CERS6: variants seen among roughly 807,000 people sequenced by gnomAD.
CERS6 encodes the protein ceramide synthase 6.
Under a neutral mutation model 56.8 loss-of-function variants are expected in CERS6, and 26 were observed. The ratio of observed to expected loss-of-function variants is 0.46; its 90% confidence interval spans 0.34 to 0.63. The LOEUF is 0.63. Among genes scored for constraint, CERS6 ranks in the 30% least tolerant of loss-of-function variants. CERS6 has a pLI of 0.01. For missense variants in CERS6, 415 were observed against 467.5 expected, an observed-to-expected ratio of 0.89 and a Z score of 1.04; for synonymous variants, 164 against 173.3, an observed-to-expected ratio of 0.95 and a Z score of 0.42.
chr2:168,743,995 C>CTTTTTTTTTTTTTTTTTT (rs58256507), intron 8 of CERS6, among the ~76,000 whole-genome samples: 22 of 63,394 alleles, frequency 3.5e-4, no homozygotes, highest in African/African-American at 1.2e-3. Context: ...TCTTTTTTTT[C>CTTTTTTTTTTTTTTTTTT]TTTTTTTTTT....
At chr2:168,541,937 A>G (rs1695380280) in intron 1 of CERS6, among the ~76,000 whole-genome samples, 1 of 151,940 alleles carries the variant, frequency 6.6e-6, no homozygotes, top group Non-Finnish European at 1.5e-5. Context: ...TAGAAAGAGG[A>G]TGTGTTTTTC....
At chr2:168,468,152 G>A (rs925964716) in intron 1 of CERS6, among the ~76,000 whole-genome samples, 4 of 152,126 alleles carry the variant, frequency 2.6e-5, no homozygotes, top group Non-Finnish European at 5.9e-5. Flanking sequence ...GTGGGGGGCC[G>A]CTGTGTGCCA....
chr2:168,564,483 A>G (rs1180273579), intron 3 of CERS6, among the ~76,000 whole-genome samples: 3 of 152,156 alleles, frequency 2.0e-5, no homozygotes, highest in Admixed American at 1.3e-4. Context: ...TACTATCCCC[A>G]TGTTGTGACA....
At chr2:168,722,192 G>T (rs1006602319) in intron 8 of CERS6, among the ~76,000 whole-genome samples, 9 of 152,024 alleles carry the variant, frequency 5.9e-5, no homozygotes, top group African/African-American at 2.2e-4. Flanking sequence ...ATATATAAAG[G>T]ACTTATCCGA....
At chr2:168,620,615 A>T (rs1248850897) in intron 3 of CERS6, among the ~76,000 whole-genome samples, 1 of 152,090 alleles carries the variant, frequency 6.6e-6, no homozygotes. Flanking sequence ...TTGTTAATAG[A>T]TATGGATTTA....
At chr2:168,661,213 GAAC>G (rs1421441827) in intron 4 of CERS6, among the ~76,000 whole-genome samples, 2 of 152,130 alleles carry the variant, frequency 1.3e-5, no homozygotes, top group Non-Finnish European at 2.9e-5. Context: ...TCCTAAGAAT[GAAC>G]ATGTTAGGAA....
At chr2:168,752,606 G>A (rs984302837) in intron 8 of CERS6, among the ~76,000 whole-genome samples, 10 of 152,162 alleles carry the variant, frequency 6.6e-5, no homozygotes, top group African/African-American at 2.4e-4. Flanking sequence ...TGCGAACAAG[G>A]AGCGTGGCAC....
chr2:168,730,981 C>G (rs1285169691), intron 8 of CERS6, among the ~76,000 whole-genome samples: 2 of 152,142 alleles, frequency 1.3e-5, no homozygotes, highest in Non-Finnish European at 2.9e-5. Flanking sequence ...AGAAATGATT[C>G]TGCATACATT....
chr2:168,498,583 G>A (rs190835932), intron 1 of CERS6, among the ~76,000 whole-genome samples: 1 of 152,332 alleles, frequency 6.6e-6, no homozygotes, highest in East Asian at 1.9e-4. Context: ...TATGCAACAT[G>A]TGTCCCACGT....
intron 8 of CERS6, among the ~76,000 whole-genome samples, chr2:168,764,449 A>G (rs13386171): frequency 0.079 from 12,007 of 152,214 alleles, 594 homozygotes; most frequent in Non-Finnish European, 0.11. Context: ...GACTGCATTC[A>G]TTGTTCTGTA....
intron 8 of CERS6, among the ~76,000 whole-genome samples, chr2:168,725,054 G>A (rs1008024908): frequency 1.3e-5 from 2 of 152,250 alleles, no homozygotes; most frequent in Non-Finnish European, 2.9e-5. Flanking sequence ...TGGGAAGGCA[G>A]CTAAGGCCCA....
chr2:168,643,975 C>T (rs775935556), intron 4 of CERS6, among the ~76,000 whole-genome samples: 3 of 152,186 alleles, frequency 2.0e-5, no homozygotes, highest in South Asian at 2.1e-4. Context: ...ACTGGTGTCT[C>T]CTGATCTCTG....
rs890630400 is a variant in CERS6, at chr2:168,554,280, A to T, written c.276+6579A>T. ...ATAAATGGACTTAATTCATCTAATA[A>T]AAACTAATTCAGGCTTTGGTTATTG... is the stretch of plus-strand genomic sequence containing the variant. On this transcript the variant is annotated intron_variant, in intron 2 of 9. Transcript: ENST00000305747. Among the ~76,000 whole-genome samples the T allele has an allele frequency of 3.9e-5, 6 of 152,230 alleles. No individual in the cohort carries two copies. In the East Asian group the frequency reaches 9.6e-4, roughly 24 times the overall value.
intron 4 of CERS6, among the ~76,000 whole-genome samples, chr2:168,670,573 G>A (rs937159354): frequency 6.6e-6 from 1 of 152,112 alleles, no homozygotes; most frequent in Non-Finnish European, 1.5e-5. Flanking sequence ...CTGTGTGGAT[G>A]GCTTATTTAT....
At chr2:168,750,948 TAATAAA>T (rs1221864044) in intron 8 of CERS6, among the ~76,000 whole-genome samples, 1 of 152,182 alleles carries the variant, frequency 6.6e-6, no homozygotes, top group African/African-American at 2.4e-5. Context: ...AATACAAACT[TAATAAA>T]AATAAAGTTA....
At chr2:168,485,296 T>A (rs1044582971) in intron 1 of CERS6, among the ~76,000 whole-genome samples, 3 of 152,092 alleles carry the variant, frequency 2.0e-5, no homozygotes, top group African/African-American at 7.2e-5. Flanking sequence ...TTTATTAACA[T>A]CTTTTATTAG....
At chr2:168,575,997 A>G (rs1313941025) in intron 3 of CERS6, among the ~76,000 whole-genome samples, 1 of 152,166 alleles carries the variant, frequency 6.6e-6, no homozygotes, top group Non-Finnish European at 1.5e-5. Context: ...AGAGAGGAGC[A>G]CAGAGCGTTT....
At chr2:168,741,678 G>A (rs997083474) in intron 8 of CERS6, among the ~76,000 whole-genome samples, 1 of 152,190 alleles carries the variant, frequency 6.6e-6, no homozygotes, top group Non-Finnish European at 1.5e-5. Flanking sequence ...AATGAGACCA[G>A]AGCTCATATA....
intron 1 of CERS6, among the ~76,000 whole-genome samples, chr2:168,481,954 C>T (rs951813087): frequency 2.5e-4 from 38 of 152,172 alleles, no homozygotes; most frequent in Admixed American, 2.2e-3. Context: ...TTTTGAATAA[C>T]TTCAGAGGAA....
Sources: allele counts gnomAD v4.1 joint callset (sites outside exome capture counted in the v4.1 genomes callset), GRCh38; gene constraint gnomAD v4.1.1; transcripts MANE v1.5; gene names NCBI Gene and HGNC (gene_info 2026-07-23, HGNC 2026-07-21).